Variants in NFX1 observed in about 807,000 individuals in gnomAD.
The protein encoded by NFX1 is transcriptional repressor NF-X1.
A neutral mutation model predicts 137.2 loss-of-function variants in NFX1; 69 were observed. That is an observed-to-expected ratio of 0.50 (90% CI 0.41 to 0.61). NFX1 has a LOEUF of 0.61. NFX1 is among the 20% of genes least tolerant of loss of function. The probability of loss-of-function intolerance (pLI) is 0.00; values close to 1 mark genes in which losing one functional copy is unlikely to be tolerated. For synonymous variants in NFX1, 495 were observed against 474.1 expected, an observed-to-expected ratio of 1.04 and a Z score of -0.57; for missense variants, 1,167 against 1,391.0, an observed-to-expected ratio of 0.84 and a Z score of 2.56.
intron 9 of NFX1, among the ~76,000 whole-genome samples, chr9:33,324,873 G>A (rs1398165545): frequency 2.7e-5 from 4 of 150,678 alleles, no homozygotes; most frequent in African/African-American, 9.8e-5. Context: ...AGGTTGCAGT[G>A]AGCTGAGATT....
chr9:33,293,438 G>T (rs1446574676), intron 1 of NFX1, among the ~76,000 whole-genome samples: 1 of 152,176 alleles, frequency 6.6e-6, no homozygotes, highest in Non-Finnish European at 1.5e-5. Flanking sequence ...CATTTTGTGT[G>T]TGTTATTAAC....
chr9:33,291,617 G>A (rs1253900982), intron 1 of NFX1, among the ~76,000 whole-genome samples: 1 of 152,200 alleles, frequency 6.6e-6, no homozygotes, highest in Non-Finnish European at 1.5e-5. Context: ...AGTTTAAAAA[G>A]TTAGGGCCGG....
In NFX1 at chr9:33,366,649, C is replaced by T; in HGVS notation, c.3060C>T (p.Ser1020=). ...TACAGGGAAAGAATAGTAAGAAAAG[C>T]CACAGCTTCCCTCCCATGAACAGAG... The part of the protein sequence containing the change: ...AVNKGKNSKK[S]HSFPPMNRDH... Residue 1020 remains serine, a synonymous_variant, in exon 22 of 24, where the codon AGC becomes AGT. Coordinates refer to ENST00000379540, the MANE Select transcript of NFX1 (RefSeq NM_002504.6). The T allele has an allele frequency of 3.1e-6, 5 of 1,614,126 alleles. No homozygotes were observed. The highest frequency in any genetic ancestry group is 4.2e-6 in the Non-Finnish European group (5 of 1,180,034).
chr9:33,344,141 C>G lies in NFX1; in HGVS notation c.2297C>G (p.Pro766Arg). ...YPPVPCGTRP[P>R]ECTQTCARVH... ...CCAGTTCCCTGTGGTACTAGGCCCC[C>G]TGAATGTACCCAAACCTGCGCTAGA... Residue 766 changes from proline to arginine, a missense_variant, in exon 14 of 24, where the codon CCT becomes CGT. Pro to Arg is a moderately radical substitution (Grantham distance 103). This residue lies in a region of NFX1 where 488 missense variants were observed against 691.5 expected (regional missense o/e 0.71). Transcript: ENST00000379540. 6.2e-7 allele frequency: 1 copy of G among 1,614,094 alleles called. No individual in the cohort carries two copies. Among genetic ancestry groups the G allele is most frequent in the Non-Finnish European group, 8.5e-7 (1 of 1,179,978 alleles).
At chr9:33,337,770 C>T (rs1016549702) in intron 11 of NFX1, among the ~76,000 whole-genome samples, 18 of 150,998 alleles carry the variant, frequency 1.2e-4, no homozygotes, top group Non-Finnish European at 2.1e-4. Flanking sequence ...AACTGATGGC[C>T]GGGCATGGTG....
chr9:33,293,653 G>T lies in NFX1; in HGVS notation c.26-767G>T, dbSNP rs181664348. 3.3e-3 allele frequency among the ~76,000 whole-genome samples: 497 copies of T among 152,286 alleles called. 4 individuals carry two copies. Among genetic ancestry groups the T allele is most frequent in the Middle Eastern group, 6.8e-3 (2 of 294 alleles). ...TTTGCTACTAATTTTATGTCCTTAG[G>T]CAAACCATTTTGTCTTTGTGCTTCA... is the stretch of plus-strand genomic sequence containing the variant. On this transcript the variant is annotated intron_variant, in intron 1 of 23. Transcript: ENST00000379540.
chr9:33,339,771 A>C (rs898630807), intron 12 of NFX1, among the ~76,000 whole-genome samples: 1 of 152,204 alleles, frequency 6.6e-6, no homozygotes, highest in Non-Finnish European at 1.5e-5. Context: ...CAAATGGGAG[A>C]AATTGGCCAA....
chr9:33,340,267 T>C (rs1823170132), intron 12 of NFX1, among the ~76,000 whole-genome samples: 1 of 152,258 alleles, frequency 6.6e-6, no homozygotes, highest in African/African-American at 2.4e-5. Context: ...TATTGATTTC[T>C]GTGCACCCGC....
rs767807735 is a variant in NFX1, at chr9:33,295,031, G to C, written c.637G>C (p.Val213Leu). Residue 213 changes from valine (V) to leucine (L), a missense_variant, in exon 2 of 24, where the codon GTT becomes CTT. This residue lies in a region of NFX1 where 367 missense variants were observed against 386.7 expected (regional missense o/e 0.95). Coordinates refer to ENST00000379540, the MANE Select transcript of NFX1 (RefSeq NM_002504.6). ...ACCCGAAAGTACCAAACCTGTGGGG[G>C]TTTTCCACCCTGACTCTTCAGAGGC... ...AGPESTKPVG[V>L]FHPDSSEASS... 1.2e-6 allele frequency: 2 copies of C among 1,614,106 alleles called. No homozygotes were observed. The highest frequency in any genetic ancestry group is 1.1e-5 in the South Asian group (1 of 91,080).
At position 33,356,568 on chromosome 9, in the gene NFX1, A is replaced by G. The variant is rs535504131; in HGVS notation, c.2873+1676A>G. On this transcript the variant is annotated intron_variant, in intron 19 of 23. Transcript: ENST00000379540. ...CACTTTTCATGTCCTATTTAGAAAA[A>G]TTTGTCTATCCTGAGGCAATGACAA... is the stretch of plus-strand genomic sequence containing the variant. Among the ~76,000 whole-genome samples, 55 of 152,168 alleles carry G rather than the reference A, an allele frequency of 3.6e-4. 1 individual carries two copies. In the South Asian group the frequency reaches 0.011, roughly 31 times the overall value.
At chr9:33,366,596 A>G (rs773439653) in intron 21 of NFX1, 33 bp from the exon 22 acceptor site, 2 of 1,610,634 alleles carry the variant, frequency 1.2e-6, no homozygotes, top group South Asian at 2.2e-5. Flanking sequence ...TCAGAATGAT[A>G]TGATCAATCA....
intron 11 of NFX1, among the ~76,000 whole-genome samples, chr9:33,334,511 A>G (rs148157154): frequency 1.3e-5 from 2 of 152,190 alleles, no homozygotes; most frequent in Non-Finnish European, 2.9e-5. Context: ...AAATTAATAC[A>G]CTTATGAAGT....
At chr9:33,360,340 A>G (rs576767065) in intron 19 of NFX1, among the ~76,000 whole-genome samples, 3 of 152,220 alleles carry the variant, frequency 2.0e-5, no homozygotes, top group African/African-American at 7.2e-5. Flanking sequence ...TCTAGAAATG[A>G]TGACAATAAC....
At chr9:33,293,834 A>G (rs1211770659) in intron 1 of NFX1, among the ~76,000 whole-genome samples, 1 of 152,210 alleles carries the variant, frequency 6.6e-6, no homozygotes, top group Non-Finnish European at 1.5e-5. Flanking sequence ...AAGAGATGAA[A>G]ACTAATACAC....
At chr9:33,351,936 A>G in intron 16 of NFX1, 146 bp downstream of exon 16, 1 of 725,978 alleles carries the variant, frequency 1.4e-6, no homozygotes, top group South Asian at 2.4e-5. Flanking sequence ...AAGGTAGAGT[A>G]AGTCATACAA....
At chr9:33,306,160 G>T (rs1325598215) in intron 4 of NFX1, among the ~76,000 whole-genome samples, 1 of 152,146 alleles carries the variant, frequency 6.6e-6, no homozygotes, top group Non-Finnish European at 1.5e-5. Context: ...GAACAGGAGA[G>T]CGATGAGGTG....
intron 16 of NFX1, among the ~76,000 whole-genome samples, chr9:33,352,077 T>C (rs1215879035): frequency 1.3e-5 from 2 of 152,214 alleles, no homozygotes; most frequent in African/African-American, 4.8e-5. Context: ...ATTTAATAAA[T>C]GTATAAATGT....
intron 19 of NFX1, among the ~76,000 whole-genome samples, chr9:33,358,647 A>ATTGTT (rs1823892426): frequency 2.1e-5 from 1 of 48,430 alleles, no homozygotes; most frequent in Non-Finnish European, 3.5e-5. Context: ...GAATGGCTTG[A>ATTGTT]TTTTTTTTTT....
Position 33,295,235 on chromosome 9 carries a change from A to G in NFX1, c.841A>G (p.Ile281Val), listed in dbSNP as rs370209317. The change falls in exon 2 of 24, where the codon ATT (isoleucine) becomes GTT (valine). Residue 281 changes from isoleucine to valine, a missense_variant. Physicochemically the swap from Ile to Val is conservative, Grantham distance 29. Around this residue, in one of 3 missense-constraint regions of NFX1, gnomAD observed 367 missense variants for 386.7 expected, o/e 0.95. Coordinates refer to ENST00000379540, the MANE Select transcript of NFX1 (RefSeq NM_002504.6). ...AGGACACAGAAACAACATGGGCCCC[A>G]TTCCAAAGGATGACCTCAATGAAAG... The part of the protein sequence containing the change: ...NAGHRNNMGP[I>V]PKDDLNERPA... 8 of 1,614,054 alleles carry G rather than the reference A, an allele frequency of 5.0e-6. No individual in the cohort carries two copies. The highest frequency in any genetic ancestry group is 6.8e-6 in the Non-Finnish European group (8 of 1,180,048).
Sources: gnomAD v4.1 joint callset for allele counts (sites outside exome capture counted in the v4.1 genomes callset) on GRCh38, gnomAD v4.1.1 for gene constraint, gnomAD v4.1.1 regional missense constraint, MANE v1.5 for transcripts, NCBI Gene and HGNC (gene_info 2026-07-23, HGNC 2026-07-21) for gene names.